Variants in BDP1 observed in about 807,000 individuals in gnomAD.
BDP1 encodes the protein transcription factor TFIIIB component B'' homolog.
BDP1 carries 169 observed loss-of-function variants against 266.6 expected under a neutral mutation model. That is an observed-to-expected ratio of 0.63 (90% confidence interval 0.56 to 0.72). BDP1 has a LOEUF of 0.72. Among genes scored for constraint, BDP1 ranks in the 30% least tolerant of loss-of-function variants. BDP1 has a pLI of 0.00. For missense variants in BDP1, 3,015 were observed against 3,053.8 expected (o/e 0.99, Z 0.30); for synonymous variants, 1,090 against 1,022.4 (o/e 1.07, Z -1.26).
intron 7 of BDP1, among the ~76,000 whole-genome samples, chr5:71,475,276 T>TA (rs1183742588): frequency 6.6e-6 from 1 of 152,008 alleles, no homozygotes; most frequent in African/African-American, 2.4e-5. Flanking sequence ...CCCAGCTAAT[T>TA]AAAAAAATTT....
chr5:71,526,032 G>T (rs1352790038), intron 25 of BDP1, among the ~76,000 whole-genome samples: 2 of 152,158 alleles, frequency 1.3e-5, no homozygotes, highest in Non-Finnish European at 2.9e-5. Flanking sequence ...CTTCCCAGAC[G>T]GGGTGGCGGC....
intron 22 of BDP1, among the ~76,000 whole-genome samples, chr5:71,521,130 T>G (rs1765470493): frequency 6.9e-6 from 1 of 144,636 alleles, no homozygotes; most frequent in Admixed American, 7.1e-5. Context: ...GAGGTTACAG[T>G]GAGCCGAGAT....
chr5:71,462,019 G>A, intron 3 of BDP1, 93 bp downstream of exon 3: 2 of 722,176 alleles, frequency 2.8e-6, no homozygotes, highest in Non-Finnish European at 4.7e-6. Context: ...CTGGAGTGCA[G>A]TGGTGCAATC....
the BDP1 span, among the ~76,000 whole-genome samples, chr5:71,574,932 C>T: frequency 2.0e-5 from 3 of 152,286 alleles, no homozygotes; most frequent in Admixed American, 6.5e-5. Flanking sequence ...GCTGATGTGT[C>T]AGTAATATCT....
intron 30 of BDP1, among the ~76,000 whole-genome samples, chr5:71,542,615 T>C (rs1394587303): frequency 6.6e-6 from 1 of 152,096 alleles, no homozygotes; most frequent in East Asian, 1.9e-4. Flanking sequence ...CTCACACCTG[T>C]AATTCCAGCA....
intron 17 of BDP1, 47 bp downstream of exon 17, chr5:71,511,198 GA>G (rs762135685): frequency 6.6e-7 from 1 of 1,521,222 alleles, no homozygotes; most frequent in Non-Finnish European, 8.9e-7. Context: ...GCTTTTTTCA[GA>G]GGAAATAAAT....
At position 71,514,991 on chromosome 5, in the gene BDP1, C is replaced by G. The variant is rs1765146618; in HGVS notation, c.4518C>G (p.His1506Gln). ...CAAGAGAAAAAGACACATTAGGTCA[C>G]AGGAATGAGGAGGCTGTGATATTGC... ...MISREKDTLG[H>Q]RNEEAVILPC... The change falls in exon 20 of 39, where the codon CAC becomes CAG. Residue 1506 changes from histidine to glutamine, a missense_variant. Coordinates refer to ENST00000358731, the MANE Select transcript of BDP1 (RefSeq NM_018429.3). The G allele has an allele frequency of 6.2e-7, 1 of 1,611,758 alleles. No individual in the cohort carries two copies. The highest frequency in any genetic ancestry group is 2.2e-5 in the East Asian group (1 of 44,748).
In BDP1 at chr5:71,522,950, G is replaced by GT; in HGVS notation, c.5387+2dup. 1 of 1,559,944 alleles carries GT rather than the reference G, an allele frequency of 6.4e-7. No homozygotes were observed. On this transcript the variant is annotated splice_donor_variant, in intron 24 of 38. Transcript: ENST00000358731. LOFTEE classifies it high-confidence loss of function. Reference sequence around the variant, plus strand: ...AGCAATATCTCAATAAACTAACAAGGTAACATTTTATTTAACAAAATGTTT... The same window carrying GT: ...AGCAATATCTCAATAAACTAACAAGGTTAACATTTTATTTAACAAAATGTTT...
In BDP1 at chr5:71,560,228, C is replaced by CACT. The variant is rs1743535409; in HGVS notation, c.7489_7491dup (p.Leu2497dup). 1 of 1,613,864 alleles carries CACT rather than the reference C, an allele frequency of 6.2e-7. No homozygotes were observed. The highest frequency in any genetic ancestry group is 8.5e-7 in the Non-Finnish European group (1 of 1,179,976). On this transcript the variant is annotated inframe_insertion, in exon 37 of 39. Transcript: ENST00000358731. ...AGCAGAACATCGTCTTCTAAAGCCT[C>CACT]ACTATCCAGGTATCATGAACAAATC...
chr5:71,475,329 C>T (rs565166240), intron 7 of BDP1, among the ~76,000 whole-genome samples: 17 of 152,078 alleles, frequency 1.1e-4, no homozygotes, highest in South Asian at 8.3e-4. Context: ...AGGTTGGTTT[C>T]GAACTCCTTG....
In BDP1 at chr5:71,461,970, T is replaced by TC. The variant is rs773215164; in HGVS notation, c.599+44_599+45insC. The TC allele has an allele frequency of 2.5e-6, 3 of 1,198,896 alleles. No individual in the cohort carries two copies. In the South Asian group the frequency reaches 3.9e-5, roughly 16 times the overall value. The allele number at this position is 1,198,896 out of a possible 1,614,324, so 74.3% of individuals were successfully genotyped here. ...TGCTTTACTATCTCTTTTTTTTTTT[T>TC]TTTTTTTTTGGAGGTGGAGTCTCGC... On this transcript the variant is annotated intron_variant, in intron 3 of 38. Coordinates refer to ENST00000358731, the MANE Select transcript of BDP1 (RefSeq NM_018429.3).
chr5:71,472,893 T>G (rs1762345918), intron 7 of BDP1, among the ~76,000 whole-genome samples: 2 of 138,494 alleles, frequency 1.4e-5, no homozygotes, highest in Non-Finnish European at 3.1e-5. Flanking sequence ...TCTCTCTTTT[T>G]TTTTTTTTTT....
chr5:71,467,326 C>T (rs910557953), intron 5 of BDP1, 28 bp from the exon 6 acceptor site: 8 of 1,538,792 alleles, frequency 5.2e-6, no homozygotes, highest in South Asian at 1.2e-5. Flanking sequence ...TTTTAGTATA[C>T]ATCTATTTAA....
rs754557826 is a variant in BDP1, at chr5:71,539,576, C to T, written c.5949C>T (p.Thr1983=). ...CACAAGGTACCAATGATGGAAGCAC[C>T]GAAGCTGCAATAACTTTACTTACAA... The part of the protein sequence containing the change: ...QDEPGTNDGS[T]EAAITLLTMG... Residue 1983 remains threonine, a synonymous_variant, in exon 28 of 39, where the codon ACC becomes ACT. Transcript: ENST00000358731. 2.3e-5 allele frequency: 37 copies of T among 1,607,550 alleles called. 1 individual carries two copies. The Admixed American group carries it at 3.4e-4, about 15-fold the overall frequency.
chr5:71,469,252 C>T (rs937582743), intron 6 of BDP1, among the ~76,000 whole-genome samples: 1 of 151,974 alleles, frequency 6.6e-6, no homozygotes, highest in Admixed American at 6.6e-5. Context: ...GATTCTCCTT[C>T]CTCAGTCTCC....
intron 1 of BDP1, among the ~76,000 whole-genome samples, chr5:71,456,570 T>G (rs925395042): frequency 6.6e-6 from 1 of 152,212 alleles, no homozygotes; most frequent in Non-Finnish European, 1.5e-5. Flanking sequence ...TTAACTATGG[T>G]GACCGTGTTT....
chr5:71,551,562 T>A (rs995892765), intron 34 of BDP1, among the ~76,000 whole-genome samples: 21 of 152,218 alleles, frequency 1.4e-4, no homozygotes, highest in Non-Finnish European at 8.8e-5. Context: ...TTCCTCACCT[T>A]TCCCCCTTTC....
intron 26 of BDP1, among the ~76,000 whole-genome samples, chr5:71,537,312 A>T (rs185055767): frequency 6.6e-6 from 1 of 152,152 alleles, no homozygotes; most frequent in African/African-American, 2.4e-5. Context: ...CCATAATTCA[A>T]TATCGCACAC....
Position 71,524,139 on chromosome 5 carries a change from C to T in BDP1, c.5588C>T (p.Ala1863Val). The change falls in exon 25 of 39, where the codon GCC (alanine) becomes GTC (valine). Residue 1863 changes from alanine (A) to valine (V), a missense_variant. Coordinates refer to ENST00000358731, the MANE Select transcript of BDP1 (RefSeq NM_018429.3). The stretch of plus-strand genomic sequence containing the variant: ...AAGAAGGAACCTAGAGCTTCCAAGG[C>T]CATGCTGGTGACTCTTCGGGCTTCC... ...TSKKEPRASK[A>V]MLVTLRASQE... 6.2e-7 allele frequency: 1 copy of T among 1,614,126 alleles called. No homozygotes were observed. Among genetic ancestry groups the T allele is most frequent in the Non-Finnish European group, 8.5e-7 (1 of 1,180,024 alleles).
Sources: allele counts gnomAD v4.1 joint callset (sites outside exome capture counted in the v4.1 genomes callset), GRCh38; gene constraint gnomAD v4.1.1; transcripts MANE v1.5; gene names NCBI Gene and HGNC (gene_info 2026-07-23, HGNC 2026-07-21).